Variants in SVEP1 observed in about 807,000 individuals in gnomAD.
SVEP1 encodes the protein sushi, von Willebrand factor type A, EGF and pentraxin domain containing 1.
SVEP1 carries 164 observed loss-of-function variants against 367.3 expected under a neutral mutation model. The observed-to-expected ratio is 0.45, with a 90% CI of 0.39 to 0.51. The LOEUF (loss-of-function observed/expected upper bound fraction) is 0.51. Ranked by LOEUF, SVEP1 falls within the 20% of genes least tolerant of loss-of-function variation. The pLI, the probability that SVEP1 is intolerant of heterozygous loss-of-function variation, is 0.00. For missense variants in SVEP1, 4,117 were observed against 4,425.3 expected (o/e 0.93, Z 1.98); for synonymous variants, 1,666 against 1,611.6 (o/e 1.03, Z -0.81).
At chr9:110,435,414 G>A (rs1377954324) in intron 28 of SVEP1, 50 bp from the exon 29 acceptor site, 2 of 1,596,488 alleles carry the variant, frequency 1.3e-6, no homozygotes, top group African/African-American at 1.3e-5. Context: ...CCATTAAGAT[G>A]GAGTTATTAC....
chr9:110,391,696 A>G (rs1257349204), intron 40 of SVEP1, among the ~76,000 whole-genome samples: 3 of 152,214 alleles, frequency 2.0e-5, no homozygotes, highest in African/African-American at 7.2e-5. Flanking sequence ...TCTGAGCTCC[A>G]TGTTAGAATC....
intron 1 of SVEP1, among the ~76,000 whole-genome samples, chr9:110,557,790 C>T (rs1224840779): frequency 6.6e-6 from 1 of 151,950 alleles, no homozygotes; most frequent in Non-Finnish European, 1.5e-5. Context: ...GATAACCCAC[C>T]CAAATGATCA....
rs56077443 is a variant in SVEP1 at position 110,572,789 on chromosome 9, C to CAAAAAAAAAAAAAAAAAAAAAAAAA, written c.531+6199_531+6223dup. On this transcript the variant is annotated intron_variant, in intron 1 of 47. Coordinates refer to ENST00000374469, the MANE Select transcript of SVEP1 (RefSeq NM_153366.4). ...AGAGGGTGACCCTCTCTCTCTCTCA[C>CAAAAAAAAAAAAAAAAAAAAAAAAA]AAAAAAAAAAAAAAAAAAAAAAAAA... Among the ~76,000 whole-genome samples the CAAAAAAAAAAAAAAAAAAAAAAAAA allele has an allele frequency of 1.3e-3, 100 of 76,520 alleles. 7 individuals carry two copies. Among genetic ancestry groups the CAAAAAAAAAAAAAAAAAAAAAAAAA allele is most frequent in the Middle Eastern group, 7.0e-3 (1 of 142 alleles). 50.2% of individuals were successfully genotyped at this position (76,520 alleles called of 152,430 possible).
intron 6 of SVEP1, 119 bp downstream of exon 6, chr9:110,502,919 T>C: frequency 9.7e-7 from 1 of 1,028,594 alleles, no homozygotes; most frequent in Non-Finnish European, 1.4e-6. Flanking sequence ...CCTGTACATG[T>C]GGATATGTAT....
chr9:110,454,015 A>G (rs1327886920), intron 22 of SVEP1, among the ~76,000 whole-genome samples: 1 of 151,714 alleles, frequency 6.6e-6, no homozygotes, highest in East Asian at 1.9e-4. Flanking sequence ...CTTCTTAGAG[A>G]AGTGTCTGTT....
chr9:110,416,823 T>G (rs182606389), intron 36 of SVEP1, among the ~76,000 whole-genome samples: 3 of 152,206 alleles, frequency 2.0e-5, no homozygotes, highest in Non-Finnish European at 4.4e-5. Context: ...TCAGCACTAC[T>G]GACATTGTGG....
chr9:110,487,845 G>A (rs1240851158), intron 9 of SVEP1, among the ~76,000 whole-genome samples: 2 of 152,122 alleles, frequency 1.3e-5, no homozygotes, highest in African/African-American at 4.8e-5. Flanking sequence ...TATAGAGCAG[G>A]AACTGGTCCC....
Position 110,519,858 on chromosome 9 carries a change from G to A in SVEP1, c.965-5752C>T, listed in dbSNP as rs530066809. Among the ~76,000 whole-genome samples the A allele has an allele frequency of 1.3e-3, 199 of 152,184 alleles. 1 individual carries two copies. The highest frequency in any genetic ancestry group is 4.5e-3 in the African/African-American group (187 of 41,518). On this transcript the variant is annotated intron_variant, in intron 3 of 47. Transcript: ENST00000374469. Reference sequence around the variant, plus strand: ...CCACTAACAAGCTATGGGGTCACTGGCAAGTGACTTTTTTTTTCTTTCACT... The same window carrying A: ...CCACTAACAAGCTATGGGGTCACTGACAAGTGACTTTTTTTTTCTTTCACT...
intron 39 of SVEP1, among the ~76,000 whole-genome samples, chr9:110,402,189 G>A (rs1160923469): frequency 2.0e-5 from 3 of 151,864 alleles, no homozygotes; most frequent in Admixed American, 6.6e-5. Context: ...TTTCTCCAGA[G>A]ACTTGTGATG....
At position 110,523,635 on chromosome 9, in the gene SVEP1, A is replaced by G. The variant is rs139849560; in HGVS notation, c.965-9529T>C. ...ACATAATATAGGCAAGTTCAAAGTA[A>G]AATTATAGAAAAAGATACATTGTGC... On this transcript the variant is annotated intron_variant, in intron 3 of 47. Coordinates refer to ENST00000374469, the MANE Select transcript of SVEP1 (RefSeq NM_153366.4). Among the ~76,000 whole-genome samples, 133 of 152,304 alleles carry G rather than the reference A, an allele frequency of 8.7e-4. 1 individual carries two copies. Among genetic ancestry groups the G allele is most frequent in the African/African-American group, 3.0e-3 (123 of 41,584 alleles).
chr9:110,453,606 G>A (rs758044302), intron 22 of SVEP1, among the ~76,000 whole-genome samples: 2 of 152,040 alleles, frequency 1.3e-5, no homozygotes, highest in African/African-American at 2.4e-5. Context: ...GGTGGCTCAG[G>A]CCTGTAATCC....
chr9:110,572,096 G>A (rs572765309), intron 1 of SVEP1, among the ~76,000 whole-genome samples: 3 of 138,810 alleles, frequency 2.2e-5, no homozygotes, highest in Non-Finnish European at 4.6e-5. Flanking sequence ...ACCTCCAAAG[G>A]TAATATAGTA....
intron 13 of SVEP1, among the ~76,000 whole-genome samples, chr9:110,479,111 G>C (rs1829145642): frequency 6.6e-6 from 1 of 151,852 alleles, no homozygotes; most frequent in Non-Finnish European, 1.5e-5. Context: ...CTAGAGACGG[G>C]GTTTCACCAT....
intron 5 of SVEP1, among the ~76,000 whole-genome samples, chr9:110,507,986 C>T (rs930398885): frequency 6.6e-6 from 1 of 152,108 alleles, no homozygotes; most frequent in Admixed American, 6.5e-5. Context: ...CCATTGCTCC[C>T]CACTGAAAAC....
chr9:110,414,991 A>G (rs1360156983), intron 36 of SVEP1, among the ~76,000 whole-genome samples: 2 of 152,078 alleles, frequency 1.3e-5, no homozygotes, highest in Non-Finnish European at 2.9e-5. Context: ...GTTTCTCACC[A>G]AGGAGTATAA....
intron 36 of SVEP1, among the ~76,000 whole-genome samples, chr9:110,417,157 G>C (rs1169782): frequency 6.6e-6 from 1 of 151,300 alleles, no homozygotes. Context: ...AGCTCCCAGC[G>C]TGAGCGACGC....
chr9:110,464,106 A>AGGAAGAAGTGGGC (rs1245444562), intron 18 of SVEP1, among the ~76,000 whole-genome samples: 1 of 152,216 alleles, frequency 6.6e-6, no homozygotes, highest in Non-Finnish European at 1.5e-5. Context: ...GGAAGTGGGC[A>AGGAAGAAGTGGGC]GGAAGAGAGA....
chr9:110,542,724 G>C (rs1472548743), intron 3 of SVEP1, among the ~76,000 whole-genome samples: 1 of 149,746 alleles, frequency 6.7e-6, no homozygotes, highest in Non-Finnish European at 1.5e-5. Context: ...TTGGTGTGGA[G>C]AACATCCTCA....
intron 27 of SVEP1, among the ~76,000 whole-genome samples, chr9:110,439,771 G>A (rs542606326): frequency 7.2e-5 from 11 of 152,066 alleles, no homozygotes; most frequent in Admixed American, 5.9e-4. Context: ...AGACAGCCAC[G>A]AAGGGTGTCA....
Sources: allele counts gnomAD v4.1 joint callset (sites outside exome capture counted in the v4.1 genomes callset), GRCh38; gene constraint gnomAD v4.1.1; transcripts MANE v1.5; gene names NCBI Gene and HGNC (gene_info 2026-07-23, HGNC 2026-07-21).